The following SCN11A variants were observed in gnomAD, a reference collection of about 807,000 sequenced individuals.
The protein encoded by SCN11A is sodium voltage-gated channel alpha subunit 11.
SCN11A carries 122 observed loss-of-function variants against 162.2 expected under a neutral mutation model. The observed-to-expected ratio is 0.75, with a 90% CI of 0.65 to 0.87. The LOEUF is 0.87. SCN11A is among the 40% of genes least tolerant of loss of function. The pLI, the probability that SCN11A is intolerant of heterozygous loss-of-function variation, is 0.00. For synonymous variants in SCN11A, 758 were observed against 751.5 expected (o/e 1.01, Z -0.14); for missense variants, 2,015 against 2,181.6 (o/e 0.92, Z 1.52).
rs1028497643 is a variant in SCN11A, at chr3:38,847,388, A to T, written c.4682T>A (p.Leu1561Gln). ...AGWDSLLSPM[L>Q]RSKESCNSSS... is the part of the protein sequence containing the mutation. ...AGAGTTACATGATTCTTTTGATCGCAGCATGGGGCTGAGCAGGGAATCCCA... is the reference window on the plus strand; with the variant it reads ...AGAGTTACATGATTCTTTTGATCGCTGCATGGGGCTGAGCAGGGAATCCCA... The change falls in exon 30 of 30, where the codon CTG (leucine) becomes CAG (glutamine). Residue 1561 changes from leucine (L) to glutamine (Q), a missense_variant. By Grantham distance (113) the Leu-to-Gln change is moderately radical. Coordinates refer to ENST00000302328, the MANE Select transcript of SCN11A (RefSeq NM_001349253.2). The T allele has an allele frequency of 9.3e-6, 15 of 1,614,180 alleles. No homozygotes were observed. The highest frequency in any genetic ancestry group is 1.2e-5 in the Non-Finnish European group (14 of 1,180,022).
At chr3:38,908,236 T>A in intron 13 of SCN11A, 114 bp from the exon 14 acceptor site, 1 of 871,770 alleles carries the variant, frequency 1.1e-6, no homozygotes, top group Non-Finnish European at 1.8e-6. Context: ...CTGTATCATT[T>A]AAATTGCTCA....
At chr3:39,048,430 A>G (rs528620304) in intron 1 of SCN11A, among the ~76,000 whole-genome samples, 1 of 152,326 alleles carries the variant, frequency 6.6e-6, no homozygotes, top group South Asian at 2.1e-4. Context: ...GCTAGGTAGA[A>G]GGAATAATTT....
chr3:38,883,263 G>A lies in SCN11A; in HGVS notation c.3189C>T (p.Ile1063=), dbSNP rs745865328. The part of the protein sequence containing the change: ...VKHSWFESFI[I]FVILLSSGAL... ...CCCCACTGCTCAGCAGAATCACAAA[G>A]ATAATAAAGCTCTCAAACCAGCTGT... The change falls in exon 22 of 30, where the codon ATC becomes ATT. Residue 1063 remains isoleucine (I), a synonymous_variant. Coordinates refer to ENST00000302328, the MANE Select transcript of SCN11A (RefSeq NM_001349253.2). 1 of 1,613,890 alleles carries A rather than the reference G, an allele frequency of 6.2e-7. No individual in the cohort carries two copies. The highest frequency in any genetic ancestry group is 1.1e-5 in the South Asian group (1 of 91,062).
chr3:38,862,944 A>C (rs1180936443), intron 28 of SCN11A, among the ~76,000 whole-genome samples: 1 of 152,166 alleles, frequency 6.6e-6, no homozygotes, highest in South Asian at 2.1e-4. Context: ...CTAAGTTCAC[A>C]TGGTCGCAAT....
intron 1 of SCN11A, among the ~76,000 whole-genome samples, chr3:39,039,847 G>A (rs748860108): frequency 5.3e-5 from 8 of 151,900 alleles, no homozygotes; most frequent in Non-Finnish European, 1.2e-4. Context: ...ACCTGAAACA[G>A]TTCCCAGGGA....
At position 38,871,458 on chromosome 3, in the gene SCN11A, G is replaced by A. The variant is rs1360698576; in HGVS notation, c.3746C>T (p.Ala1249Val). 5 of 1,607,028 alleles carry A rather than the reference G, an allele frequency of 3.1e-6. No individual in the cohort carries two copies. In the African/African-American group the frequency reaches 4.0e-5, roughly 13 times the overall value. Reference sequence around the variant, plus strand: ...GACTGTACTTACCACTTGCAGCAGAGCGAGGTAAGCATTTCCCACATTGTC... The same window carrying A: ...GACTGTACTTACCACTTGCAGCAGAACGAGGTAAGCATTTCCCACATTGTC... ...NFDNVGNAYL[A>V]LLQVATFKGW... The change falls in exon 25 of 30, where the codon GCT becomes GTT. Residue 1249 changes from alanine (A) to valine (V), a missense_variant. Transcript: ENST00000302328.
rs770172513 is a variant in SCN11A at position 38,945,405 on chromosome 3, A to T, written c.488+6T>A. On this transcript the variant is annotated splice_donor_region_variant and intron_variant, in intron 7 of 29. Transcript: ENST00000302328. ...TAGGACAGGTGAGTGAAGGAAAAAT[A>T]CTTACTCTGCAATGTCAGTATTGTT... 11 of 1,598,660 alleles carry T rather than the reference A, an allele frequency of 6.9e-6. No individual in the cohort carries two copies. Among genetic ancestry groups the T allele is most frequent in the Non-Finnish European group, 8.6e-6 (10 of 1,167,120 alleles).
At chr3:38,906,114 C>A (rs2065788269) in intron 14 of SCN11A, among the ~76,000 whole-genome samples, 1 of 152,142 alleles carries the variant, frequency 6.6e-6, no homozygotes, top group Non-Finnish European at 1.5e-5. Flanking sequence ...TGGATGGGAT[C>A]CTTCTACCTA....
intron 23 of SCN11A, among the ~76,000 whole-genome samples, chr3:38,872,864 C>T (rs1170106725): frequency 6.6e-6 from 1 of 151,838 alleles, no homozygotes; most frequent in Non-Finnish European, 1.5e-5. Context: ...AATTGGTGAA[C>T]CTGAAGAAAG....
rs1265633040 is a variant in SCN11A at position 38,963,411 on chromosome 3, TATATATGATGGAG to T, written c.-279-3001_-279-2989del. Among the ~76,000 whole-genome samples, 408 of 60,908 alleles carry T rather than the reference TATATATGATGGAG, an allele frequency of 6.7e-3. 3 individuals are homozygous for T. Among genetic ancestry groups the T allele is most frequent in the South Asian group, 9.5e-3 (18 of 1,902 alleles). The allele number at this position is 60,908 out of a possible 152,430, so 40.0% of individuals were successfully genotyped here. A position where few individuals can be genotyped will look rare whatever the true frequency, so the allele number is the denominator to read the frequency against. On this transcript the variant is annotated intron_variant, in intron 2 of 29. Transcript: ENST00000302328. ...TGATGGAGATATATATATATATATA[TATATATGATGGAG>T]ATATATATATATATATATATGATGG...
At chr3:38,996,559 A>G (rs2030637581) in intron 2 of SCN11A, among the ~76,000 whole-genome samples, 1 of 152,204 alleles carries the variant, frequency 6.6e-6, no homozygotes, top group Admixed American at 6.5e-5. Context: ...TTGTAAATGA[A>G]TAAATCAACA....
chr3:38,851,074 A>T (rs1473778452), intron 28 of SCN11A, among the ~76,000 whole-genome samples: 2 of 152,226 alleles, frequency 1.3e-5, no homozygotes, highest in Admixed American at 1.3e-4. Flanking sequence ...GAAATAAAAC[A>T]GTGCATGTTG....
chr3:39,021,475 C>A (rs1396955341), intron 2 of SCN11A, among the ~76,000 whole-genome samples: 2 of 151,960 alleles, frequency 1.3e-5, no homozygotes, highest in Non-Finnish European at 2.9e-5. Flanking sequence ...CAAGAAAGAC[C>A]CTGGTGTGGG....
At chr3:38,853,957 C>T (rs1175241395) in intron 28 of SCN11A, among the ~76,000 whole-genome samples, 1 of 152,104 alleles carries the variant, frequency 6.6e-6, no homozygotes, top group African/African-American at 2.4e-5. Context: ...CTATCTTGCC[C>T]CATAGTACCT....
chr3:39,015,164 G>C (rs2031255564), intron 2 of SCN11A, among the ~76,000 whole-genome samples: 1 of 152,346 alleles, frequency 6.6e-6, no homozygotes, highest in Admixed American at 6.5e-5. Context: ...ACCCTCATGG[G>C]TGTGATTGGT....
At chr3:38,975,547 C>G (rs2125588528) in intron 2 of SCN11A, among the ~76,000 whole-genome samples, 1 of 152,320 alleles carries the variant, frequency 6.6e-6, no homozygotes, top group Non-Finnish European at 1.5e-5. Flanking sequence ...TGGTTTAGTG[C>G]AGGCATGTTA....
intron 2 of SCN11A, among the ~76,000 whole-genome samples, chr3:39,030,749 T>TTTTG (rs2031728320): frequency 1.3e-5 from 2 of 152,098 alleles, no homozygotes; most frequent in Non-Finnish European, 2.9e-5. Context: ...CAAAGCACAT[T>TTTTG]TGTGACATGG....
intron 16 of SCN11A, among the ~76,000 whole-genome samples, chr3:38,901,546 G>A (rs1287663381): frequency 6.6e-6 from 1 of 152,138 alleles, no homozygotes; most frequent in African/African-American, 2.4e-5. Context: ...ATGGCTTCTT[G>A]GCATTCAGTG....
In SCN11A at chr3:38,910,148, G is replaced by C; in HGVS notation, c.1019C>G (p.Thr340Arg). The C allele has an allele frequency of 1.2e-6, 2 of 1,613,476 alleles. No homozygotes were observed. The highest frequency in any genetic ancestry group is 1.7e-6 in the Non-Finnish European group (2 of 1,179,582). ...AGACCAGCCAAAGTTGTCAAAATTC[G>C]TATAATTATAGTCAGGATTAATTTT... ...HTKINPDYNY[T>R]NFDNFGWSFL... is the part of the protein sequence containing the mutation. The change falls in exon 12 of 30, where the codon ACG becomes AGG. Residue 340 changes from threonine (T) to arginine (R), a missense_variant. Coordinates refer to ENST00000302328, the MANE Select transcript of SCN11A (RefSeq NM_001349253.2).
Sources: allele counts gnomAD v4.1 joint callset (sites outside exome capture counted in the v4.1 genomes callset), GRCh38; gene constraint gnomAD v4.1.1; transcripts MANE v1.5; gene names NCBI Gene and HGNC (gene_info 2026-07-23, HGNC 2026-07-21).